The following MTA3 variants were observed in gnomAD, a reference collection of about 807,000 sequenced individuals.
MTA3 encodes metastasis-associated protein MTA3.
Under a neutral mutation model 83.5 loss-of-function variants are expected in MTA3, and 34 were observed. That is an observed-to-expected ratio of 0.41 (90% CI 0.31 to 0.54). MTA3 has a LOEUF of 0.54. Ranked by LOEUF, MTA3 falls within the 20% of genes least tolerant of loss-of-function variation. The probability of loss-of-function intolerance (pLI) is 0.33; values close to 1 mark genes in which losing one functional copy is unlikely to be tolerated. For synonymous variants in MTA3, 303 were observed against 252.7 expected, an observed-to-expected ratio of 1.20 and a Z score of -1.89; for missense variants, 761 against 726.4, an observed-to-expected ratio of 1.05 and a Z score of -0.55.
At chr2:42,523,908 C>T (rs367851781) in intron 2 of MTA3, among the ~76,000 whole-genome samples, 8 of 152,080 alleles carry the variant, frequency 5.3e-5, no homozygotes, top group African/African-American at 1.4e-4. Context: ...AAGAGCCAGA[C>T]CCTGTTTCTA....
chr2:42,699,589 G>T (rs1693683783), intron 11 of MTA3, among the ~76,000 whole-genome samples: 1 of 152,194 alleles, frequency 6.6e-6, no homozygotes, highest in Admixed American at 6.6e-5. Flanking sequence ...ACCTAGAGTA[G>T]TAGCTCTGGA....
chr2:42,506,346 C>G (rs1674626750), intron 2 of MTA3, among the ~76,000 whole-genome samples: 1 of 151,690 alleles, frequency 6.6e-6, no homozygotes, highest in African/African-American at 2.4e-5. Context: ...CCCAGCCACT[C>G]AGAATGCTGA....
At chr2:42,590,910 T>A (rs1427014947) in intron 3 of MTA3, among the ~76,000 whole-genome samples, 1 of 152,216 alleles carries the variant, frequency 6.6e-6, no homozygotes, top group Non-Finnish European at 1.5e-5. Flanking sequence ...TTTTCATGAC[T>A]GTGTGTTATT....
intron 4 of MTA3, among the ~76,000 whole-genome samples, chr2:42,636,572 A>G (rs959726693): frequency 6.6e-6 from 1 of 151,212 alleles, no homozygotes; most frequent in African/African-American, 2.4e-5. Flanking sequence ...AAAAGAAGAA[A>G]GTCTACAGGC....
chr2:42,581,111 C>T (rs956818988), intron 3 of MTA3, among the ~76,000 whole-genome samples: 11 of 151,984 alleles, frequency 7.2e-5, no homozygotes, highest in Non-Finnish European at 1.6e-4. Flanking sequence ...TTTTCTGTTT[C>T]TGTATAGAAA....
intron 2 of MTA3, among the ~76,000 whole-genome samples, chr2:42,558,931 G>C (rs2103794893): frequency 6.6e-6 from 1 of 151,922 alleles, no homozygotes; most frequent in East Asian, 1.9e-4. Flanking sequence ...GCTCAGCCTT[G>C]TCTCAGTAGT....
At chr2:42,669,219 G>C (rs1354064812) in intron 8 of MTA3, among the ~76,000 whole-genome samples, 1 of 151,650 alleles carries the variant, frequency 6.6e-6, no homozygotes, top group Non-Finnish European at 1.5e-5. Context: ...TGAATATCTG[G>C]AATTACAAGC....
At chr2:42,564,911 G>C (rs546658208), upstream of MTA3, among the ~76,000 whole-genome samples, 8 of 152,004 alleles carry the variant, frequency 5.3e-5, no homozygotes, top group Non-Finnish European at 1.2e-4. Context: ...TGAGTAGCTG[G>C]GACTACAGGC....
At chr2:42,542,155 C>T (rs148837879) in intron 2 of MTA3, among the ~76,000 whole-genome samples, 1 of 152,302 alleles carries the variant, frequency 6.6e-6, no homozygotes, top group East Asian at 1.9e-4. Flanking sequence ...ACTCCATTCC[C>T]AGACTCTTGA....
chr2:42,599,925 G>GTAATCC lies in MTA3; in HGVS notation c.191-9533_191-9532insTAATCC, dbSNP rs1249583846. On this transcript the variant is annotated intron_variant, in intron 3 of 16. Coordinates refer to ENST00000405094, the MANE Select transcript of MTA3 (RefSeq NM_001330442.2). ...AAAAACTTGCTTATGGGCCAGGCATGGTGGCTCACGCTTGTAATCCCAGCA... is the reference window on the plus strand; with the variant it reads ...AAAAACTTGCTTATGGGCCAGGCATGTAATCCGTGGCTCACGCTTGTAATCCCAGCA... Among the ~76,000 whole-genome samples, 15 of 152,020 alleles carry GTAATCC rather than the reference G, an allele frequency of 9.9e-5. No individual in the cohort carries two copies. In the East Asian group the frequency reaches 2.9e-3, roughly 30 times the overall value.
At chr2:42,538,435 C>T (rs981256989) in intron 2 of MTA3, among the ~76,000 whole-genome samples, 1 of 151,756 alleles carries the variant, frequency 6.6e-6, no homozygotes, top group Non-Finnish European at 1.5e-5. Flanking sequence ...AGGCCGGGTG[C>T]GGTGGCTCAT....
chr2:42,744,984 C>A (rs1669308352), intron 16 of MTA3, among the ~76,000 whole-genome samples: 1 of 152,186 alleles, frequency 6.6e-6, no homozygotes, highest in South Asian at 2.1e-4. Context: ...GAAACCTCCA[C>A]TGGGTTCATT....
chr2:42,634,486 C>T (rs1194180557), intron 4 of MTA3, among the ~76,000 whole-genome samples: 2 of 152,094 alleles, frequency 1.3e-5, no homozygotes, highest in African/African-American at 4.8e-5. Context: ...AACTGTCAAA[C>T]ATGTATAAAA....
intron 9 of MTA3, among the ~76,000 whole-genome samples, 194 bp from the exon 10 acceptor site, chr2:42,695,571 G>T (rs569139427): frequency 7.8e-6 from 1 of 128,582 alleles, no homozygotes; most frequent in Non-Finnish European, 1.6e-5. Flanking sequence ...GGAAGCGGAG[G>T]TTGCTGTGAG....
intron 4 of MTA3, among the ~76,000 whole-genome samples, chr2:42,610,726 C>T (rs866793704): frequency 2.6e-5 from 4 of 152,064 alleles, no homozygotes; most frequent in Admixed American, 2.6e-4. Flanking sequence ...AGAGGAATTG[C>T]TACTTACTCA....
intron 2 of MTA3, among the ~76,000 whole-genome samples, chr2:42,547,682 G>A (rs1195535836): frequency 1.3e-5 from 2 of 152,192 alleles, no homozygotes; most frequent in East Asian, 3.8e-4. Context: ...TCTGGGACTG[G>A]CCAAGACTTA....
chr2:42,731,660 A>G (rs1410251407), intron 16 of MTA3, among the ~76,000 whole-genome samples: 2 of 152,196 alleles, frequency 1.3e-5, no homozygotes, highest in East Asian at 3.8e-4. Context: ...GTGGCGACAC[A>G]GCCAAACCAT....
intron 2 of MTA3, among the ~76,000 whole-genome samples, chr2:42,502,475 A>G (rs75307648): frequency 0.017 from 2,536 of 152,246 alleles, 33 homozygotes; most frequent in Non-Finnish European, 0.028. Flanking sequence ...CATGATTCTA[A>G]TTTCCTTAGC....
At chr2:42,690,613 A>AT (rs1462034153) in intron 9 of MTA3, among the ~76,000 whole-genome samples, 1 of 145,478 alleles carries the variant, frequency 6.9e-6, no homozygotes, top group Non-Finnish European at 1.5e-5. Context: ...TTTAATTTTT[A>AT]TTTTTAGATT....
Sources: gnomAD v4.1 joint callset for allele counts (sites outside exome capture counted in the v4.1 genomes callset) on GRCh38, gnomAD v4.1.1 for gene constraint, MANE v1.5 for transcripts, NCBI Gene and HGNC (gene_info 2026-07-23, HGNC 2026-07-21) for gene names.